LRRC59: variants seen among roughly 807,000 people sequenced by gnomAD.
The protein encoded by LRRC59 is leucine-rich repeat-containing protein 59.
A neutral mutation model predicts 33.5 loss-of-function variants in LRRC59; 18 were observed. The ratio of observed to expected loss-of-function variants is 0.54; its 90% CI spans 0.37 to 0.80. LRRC59 has a LOEUF of 0.80. LRRC59 is among the 30% of genes least tolerant of loss of function. LRRC59 has a pLI of 0.00. For synonymous variants in LRRC59, 138 were observed against 160.0 expected (o/e 0.86, Z 1.04); for missense variants, 330 against 391.9 (o/e 0.84, Z 1.33).
chr17:50,396,728 T>G (rs930000865), intron 1 of LRRC59: 1 of 169,740 alleles, frequency 5.9e-6, no homozygotes, highest in African/African-American at 2.4e-5. Flanking sequence ...GGGGGAGACT[T>G]TACTTTCTTC....
At chr17:50,388,395 G>A (rs1383380299) in intron 4 of LRRC59, among the ~76,000 whole-genome samples, 1 of 152,088 alleles carries the variant, frequency 6.6e-6, no homozygotes, top group Non-Finnish European at 1.5e-5. Context: ...TAAAAAATTG[G>A]CCAGGCACAG....
chr17:50,390,655 A>G (rs1044386867), intron 4 of LRRC59, among the ~76,000 whole-genome samples: 27 of 152,218 alleles, frequency 1.8e-4, no homozygotes, highest in African/African-American at 6.5e-4. Context: ...AATCATTTTT[A>G]AAAATTGCTT....
intron 6 of LRRC59, among the ~76,000 whole-genome samples, chr17:50,384,778 A>AAT (rs1248920334): frequency 6.6e-6 from 1 of 151,706 alleles, no homozygotes; most frequent in Non-Finnish European, 1.5e-5. Flanking sequence ...AAAAAAAAAA[A>AAT]AAGGAAACTT....
chr17:50,393,631 C>G (rs940027486), intron 2 of LRRC59, among the ~76,000 whole-genome samples: 3 of 152,194 alleles, frequency 2.0e-5, no homozygotes, highest in Non-Finnish European at 4.4e-5. Flanking sequence ...TGACATTAAA[C>G]CTTTGCTAAG....
Position 50,382,606 on chromosome 17 carries a change from A to C in LRRC59, c.*382T>G. 4.7e-6 allele frequency: 1 copy of C among 213,154 alleles called. No homozygotes were observed. The highest frequency in any genetic ancestry group is 9.6e-6 in the Non-Finnish European group (1 of 104,550). The allele number at this position is 213,154 out of a possible 1,614,324, so 13.2% of individuals were successfully genotyped here. A position where few individuals can be genotyped will look rare whatever the true frequency, so the allele number is the denominator to read the frequency against. On this transcript the variant is annotated 3_prime_UTR_variant, in exon 7 of 7. Coordinates refer to ENST00000225972, the MANE Select transcript of LRRC59 (RefSeq NM_018509.4). Reference sequence around the variant, plus strand: ...GATCTACCCTGATTCCCAGGGAGGAATGAAAGGGTTTGTGGCATACAAAAG... The same window carrying C: ...GATCTACCCTGATTCCCAGGGAGGACTGAAAGGGTTTGTGGCATACAAAAG...
rs542252379 is a variant in LRRC59, at chr17:50,381,950, T to A, written c.*1038A>T. 6.5e-6 allele frequency: 1 copy of A among 152,782 alleles called. No individual in the cohort carries two copies. The highest frequency in any genetic ancestry group is 1.9e-4 in the East Asian group (1 of 5,188). 9.5% of individuals were successfully genotyped at this position (152,782 alleles called of 1,614,324 possible). On this transcript the variant is annotated 3_prime_UTR_variant, in exon 7 of 7. Transcript: ENST00000225972. ...AACAATTCTAAACCTCAGTGTCTTA[T>A]GAAGCTGACACTTCAAAACCTGCAG...
intron 5 of LRRC59, among the ~76,000 whole-genome samples, chr17:50,386,410 T>C (rs949720865): frequency 1.3e-5 from 2 of 152,340 alleles, no homozygotes; most frequent in Admixed American, 1.3e-4. Context: ...AATTAGTTAT[T>C]TGGAAGTCTG....
Position 50,382,929 on chromosome 17 carries a change from C to A in LRRC59, c.*59G>T. 1 of 1,582,928 alleles carries A rather than the reference C, an allele frequency of 6.3e-7. No individual in the cohort carries two copies. The highest frequency in any genetic ancestry group is 8.6e-7 in the Non-Finnish European group (1 of 1,163,256). On this transcript the variant is annotated 3_prime_UTR_variant, in exon 7 of 7. Transcript: ENST00000225972. ...TAAAAAGAGGTTGTGTCCAGCAGAACCCAATTCCATAGGAATCCAAACTCC... is the reference window on the plus strand; with the variant it reads ...TAAAAAGAGGTTGTGTCCAGCAGAAACCAATTCCATAGGAATCCAAACTCC...
intron 5 of LRRC59, among the ~76,000 whole-genome samples, chr17:50,386,837 A>C (rs556946507): frequency 6.6e-6 from 1 of 152,230 alleles, no homozygotes; most frequent in African/African-American, 2.4e-5. Flanking sequence ...AGCACCTACT[A>C]TGTGCCAGGG....
At position 50,382,976 on chromosome 17, in the gene LRRC59, C is replaced by CT. The variant is rs1567819480; in HGVS notation, c.*11dup. On this transcript the variant is annotated 3_prime_UTR_variant, in exon 7 of 7. Transcript: ENST00000225972. ...CTCCAAGGCTGGGAGGCAGCAGGTG[C>CT]TGGGGACAAGCTCACTGCTGAGAGT... 1 of 1,608,486 alleles carries CT rather than the reference C, an allele frequency of 6.2e-7. No individual in the cohort carries two copies. Among genetic ancestry groups the CT allele is most frequent in the Non-Finnish European group, 8.5e-7 (1 of 1,176,774 alleles).
At chr17:50,397,140 G>A (rs72832501) in intron 1 of LRRC59, 73 bp downstream of exon 1, 248,194 of 1,120,414 alleles carry the variant, frequency 0.22, 29,977 homozygotes, top group Admixed American at 0.25. Context: ...TAGAGAAGAG[G>A]AAAGTAAGTG....
chr17:50,396,768 C>T (rs1914283187), intron 1 of LRRC59: 1 of 205,694 alleles, frequency 4.9e-6, no homozygotes, highest in Non-Finnish European at 9.6e-6. Context: ...CTCGGGCAGC[C>T]AGCTGGAATT....
chr17:50,395,572 C>T (rs569086317), intron 1 of LRRC59, among the ~76,000 whole-genome samples: 2 of 152,232 alleles, frequency 1.3e-5, no homozygotes, highest in African/African-American at 4.8e-5. Flanking sequence ...ATACATGTTG[C>T]CTGAATCATG....
intron 5 of LRRC59, among the ~76,000 whole-genome samples, chr17:50,385,958 G>T (rs979444826): frequency 6.6e-6 from 1 of 152,202 alleles, no homozygotes; most frequent in South Asian, 2.1e-4. Context: ...CTGGGAGGCT[G>T]AAGTGGGAGG....
intron 6 of LRRC59, 129 bp from the exon 7 acceptor site, chr17:50,383,364 G>C: frequency 1.6e-6 from 2 of 1,235,630 alleles, no homozygotes; most frequent in Admixed American, 2.9e-5. Context: ...CCCAGGCCCT[G>C]AAGAGAAAAA....
intron 5 of LRRC59, 89 bp downstream of exon 5, chr17:50,387,971 A>C: frequency 7.8e-7 from 1 of 1,287,824 alleles, no homozygotes; most frequent in Non-Finnish European, 1.1e-6. Flanking sequence ...CTTCATGACT[A>C]CTCTACTGGA....
chr17:50,383,154 A>G lies in LRRC59; in HGVS notation c.758T>C (p.Leu253Pro), dbSNP rs1428928425. The change falls in exon 7 of 7, where the codon CTG becomes CCG. Residue 253 changes from leucine (L) to proline (P), a missense_variant. Physicochemically the swap from Leu to Pro is moderately conservative, Grantham distance 98. Transcript: ENST00000225972. ...TCCCGCCACACCAAATAGCAGCAGCAGCAGCAGCAGCTTCAGCACAGCCCA... is the reference window on the plus strand; with the variant it reads ...TCCCGCCACACCAAATAGCAGCAGCGGCAGCAGCAGCTTCAGCACAGCCCA... ...RSWAVLKLLL[L>P]LLLFGVAGGL... is the part of the protein sequence containing the mutation. 6.3e-7 allele frequency: 1 copy of G among 1,578,250 alleles called. No individual in the cohort carries two copies. Among genetic ancestry groups the G allele is most frequent in the Admixed American group, 1.9e-5 (1 of 52,176 alleles).
At chr17:50,389,475 T>C (rs1304158502) in intron 4 of LRRC59, among the ~76,000 whole-genome samples, 1 of 152,212 alleles carries the variant, frequency 6.6e-6, no homozygotes, top group African/African-American at 2.4e-5. Context: ...GATATACTTC[T>C]ATGGAGTGTT....
At chr17:50,385,887 G>A (rs1671496945) in intron 5 of LRRC59, among the ~76,000 whole-genome samples, 1 of 152,132 alleles carries the variant, frequency 6.6e-6, no homozygotes, top group Admixed American at 6.6e-5. Context: ...TAGCAAGACT[G>A]TCTATAAAAA....
Sources: allele counts gnomAD v4.1 joint callset (sites outside exome capture counted in the v4.1 genomes callset), GRCh38; gene constraint gnomAD v4.1.1; transcripts MANE v1.5; gene names NCBI Gene and HGNC (gene_info 2026-07-23, HGNC 2026-07-21).